FAM135B: variants seen among roughly 807,000 people sequenced by gnomAD.
The protein encoded by FAM135B is protein FAM135B.
Under a neutral mutation model 127.7 loss-of-function variants are expected in FAM135B, and 43 were observed. The ratio of observed to expected loss-of-function variants is 0.34; its 90% CI spans 0.26 to 0.43. The LOEUF (loss-of-function observed/expected upper bound fraction) is 0.43, where lower values mean the gene tolerates loss of function less well. Among genes scored for constraint, FAM135B ranks in the 20% least tolerant of loss-of-function variants. The pLI, the probability that FAM135B is intolerant of heterozygous loss-of-function variation, is 1.00. For synonymous variants in FAM135B, 670 were observed against 665.1 expected (o/e 1.01, Z -0.11); for missense variants, 1,558 against 1,725.6 (o/e 0.90, Z 1.72).
At chr8:138,389,285 C>T (rs1379607126) in intron 1 of FAM135B, among the ~76,000 whole-genome samples, 3 of 152,162 alleles carry the variant, frequency 2.0e-5, no homozygotes, top group Non-Finnish European at 4.4e-5. Flanking sequence ...ACCACACGAC[C>T]CAGCAATCCC....
chr8:138,237,018 T>A (rs1820329849), intron 7 of FAM135B, among the ~76,000 whole-genome samples: 1 of 152,166 alleles, frequency 6.6e-6, no homozygotes, highest in African/African-American at 2.4e-5. Context: ...AAAGTCCGTG[T>A]CTTCCCACCA....
chr8:138,166,221 C>A (rs1213882731), intron 12 of FAM135B, among the ~76,000 whole-genome samples: 1 of 152,168 alleles, frequency 6.6e-6, no homozygotes, highest in African/African-American at 2.4e-5. Flanking sequence ...ACCTCCAGCA[C>A]AGAGCCTGAT....
At chr8:138,271,616 T>A (rs1323034715) in intron 3 of FAM135B, among the ~76,000 whole-genome samples, 1 of 152,220 alleles carries the variant, frequency 6.6e-6, no homozygotes, top group East Asian at 1.9e-4. Context: ...CATCTCCTTG[T>A]GTAAATGAAT....
chr8:138,413,917 C>G (rs1834001608), intron 1 of FAM135B, among the ~76,000 whole-genome samples: 1 of 151,924 alleles, frequency 6.6e-6, no homozygotes, highest in Non-Finnish European at 1.5e-5. Flanking sequence ...CACCTCCCCT[C>G]TTGCCTTGGC....
chr8:138,418,918 C>T (rs536456475), intron 1 of FAM135B, among the ~76,000 whole-genome samples: 16 of 149,038 alleles, frequency 1.1e-4, no homozygotes, highest in East Asian at 2.0e-4. Context: ...AAGCACATAG[C>T]GCACTGACAC....
chr8:138,286,981 G>T (rs1297758138), intron 3 of FAM135B, among the ~76,000 whole-genome samples: 2 of 152,244 alleles, frequency 1.3e-5, no homozygotes, highest in Non-Finnish European at 2.9e-5. Flanking sequence ...GCATCGAGCA[G>T]TTGGGAAGAA....
intron 9 of FAM135B, among the ~76,000 whole-genome samples, chr8:138,189,065 C>G (rs1386339489): frequency 6.6e-6 from 1 of 152,156 alleles, no homozygotes; most frequent in Non-Finnish European, 1.5e-5. Context: ...CCTGCCCCAC[C>G]CCCCATCCTA....
intron 6 of FAM135B, among the ~76,000 whole-genome samples, chr8:138,248,665 C>T (rs528780776): frequency 6.6e-6 from 1 of 151,720 alleles, no homozygotes; most frequent in African/African-American, 2.4e-5. Context: ...ACAAAAAATA[C>T]AAAAATTAGC....
At chr8:138,160,649 C>T (rs1316416380) in intron 12 of FAM135B, among the ~76,000 whole-genome samples, 3 of 151,636 alleles carry the variant, frequency 2.0e-5, no homozygotes, top group Non-Finnish European at 2.9e-5. Flanking sequence ...CCACCCGCCT[C>T]GGCCTCCCAA....
At chr8:138,135,441 G>A (rs1816568300) in intron 19 of FAM135B, among the ~76,000 whole-genome samples, 1 of 151,870 alleles carries the variant, frequency 6.6e-6, no homozygotes, top group Non-Finnish European at 1.5e-5. Context: ...ATTTAAAAAT[G>A]GATTAAAAAT....
intron 7 of FAM135B, among the ~76,000 whole-genome samples, chr8:138,210,425 T>C (rs1818048973): frequency 6.6e-6 from 1 of 152,144 alleles, no homozygotes; most frequent in African/African-American, 2.4e-5. Flanking sequence ...TCCCTGAGAC[T>C]GGGTAATTTA....
chr8:138,280,969 C>A (rs751600251), intron 3 of FAM135B, among the ~76,000 whole-genome samples: 2 of 152,072 alleles, frequency 1.3e-5, no homozygotes, highest in Non-Finnish European at 2.9e-5. Flanking sequence ...GAGGCTACAG[C>A]TCCTCCGGGG....
At chr8:138,406,644 A>G (rs1404264226) in intron 1 of FAM135B, among the ~76,000 whole-genome samples, 6 of 152,074 alleles carry the variant, frequency 3.9e-5, no homozygotes, top group African/African-American at 1.2e-4. Flanking sequence ...TATAAACAGA[A>G]CCGAAGACAA....
chr8:138,297,220 G>A (rs187189160), intron 3 of FAM135B, among the ~76,000 whole-genome samples: 6 of 152,272 alleles, frequency 3.9e-5, no homozygotes, highest in South Asian at 2.1e-4. Flanking sequence ...AATATAGCAC[G>A]AGTCCATGAC....
At chr8:138,379,712 T>C (rs1023368854) in intron 1 of FAM135B, among the ~76,000 whole-genome samples, 1 of 152,156 alleles carries the variant, frequency 6.6e-6, no homozygotes, top group African/African-American at 2.4e-5. Flanking sequence ...AGACAGAAGT[T>C]GCATCTCTCC....
At chr8:138,482,380 C>T (rs1814816730) in intron 1 of FAM135B, among the ~76,000 whole-genome samples, 1 of 152,108 alleles carries the variant, frequency 6.6e-6, no homozygotes, top group African/African-American at 2.4e-5. Flanking sequence ...AATGAGCATC[C>T]TACCAGGGTT....
rs368918468 is a variant in FAM135B at position 138,151,323 on chromosome 8, G to T, written c.3152C>A (p.Thr1051Asn). The change falls in exon 13 of 20, where the codon ACC becomes AAC. Residue 1051 changes from threonine (T) to asparagine (N), a missense_variant. Around this residue, in one of 5 missense-constraint regions of FAM135B, gnomAD observed 923 missense variants for 865.3 expected, o/e 1.07. Coordinates refer to ENST00000395297, the MANE Select transcript of FAM135B (RefSeq NM_015912.4). ...GGAAGAGAATCCAGCCCTGGCAGGG[G>T]TCTCCTTGGGCACAGATGAGAAAGG... ...CLPFSSVPKE[T>N]PARAGFSSKQ... The T allele has an allele frequency of 9.5e-5, 154 of 1,613,974 alleles. No individual in the cohort carries two copies. The highest frequency in any genetic ancestry group is 1.2e-4 in the Non-Finnish European group (142 of 1,180,024).
intron 3 of FAM135B, among the ~76,000 whole-genome samples, chr8:138,304,766 A>T (rs772876901): frequency 1.3e-5 from 2 of 152,216 alleles, no homozygotes; most frequent in Non-Finnish European, 2.9e-5. Flanking sequence ...CTTGGCCCAA[A>T]GGAAGTGGGG....
chr8:138,153,315 G>A (rs536287202), intron 12 of FAM135B, 99 bp from the exon 13 acceptor site: 209 of 950,992 alleles, frequency 2.2e-4, no homozygotes, highest in Non-Finnish European at 3.0e-4. Flanking sequence ...TTAGCTATGT[G>A]GACTCGGTTC....
Sources: allele counts gnomAD v4.1 joint callset (sites outside exome capture counted in the v4.1 genomes callset), GRCh38; gene constraint gnomAD v4.1.1; regional missense constraint gnomAD v4.1.1; transcripts MANE v1.5; gene names NCBI Gene and HGNC (gene_info 2026-07-23, HGNC 2026-07-21).